Variants in WDR25 observed in about 807,000 individuals in gnomAD.
WDR25 encodes WD repeat-containing protein 25.
WDR25 carries 35 observed loss-of-function variants against 47.7 expected under a neutral mutation model. The ratio of observed to expected loss-of-function variants is 0.73; its 90% CI spans 0.56 to 0.97. WDR25 has a LOEUF of 0.97. Among genes scored for constraint, WDR25 ranks in the 50% least tolerant of loss-of-function variants. WDR25 has a pLI of 0.00. For missense variants in WDR25, 634 were observed against 704.7 expected (o/e 0.90, Z 1.14); for synonymous variants, 248 against 278.9 (o/e 0.89, Z 1.10).
At chr14:100,514,205 G>A (rs1901415612) in intron 4 of WDR25, among the ~76,000 whole-genome samples, 2 of 151,994 alleles carry the variant, frequency 1.3e-5, no homozygotes, top group Non-Finnish European at 2.9e-5. Flanking sequence ...CAAAGTGCTG[G>A]GATTACAAGC....
intron 4 of WDR25, among the ~76,000 whole-genome samples, chr14:100,511,895 G>A (rs1418627043): frequency 1.3e-5 from 2 of 152,026 alleles, no homozygotes; most frequent in South Asian, 2.1e-4. Flanking sequence ...TTAATATGGT[G>A]GATTTTGTCA....
At chr14:100,443,237 G>A (rs1241285236) in intron 2 of WDR25, among the ~76,000 whole-genome samples, 1 of 152,240 alleles carries the variant, frequency 6.6e-6, no homozygotes, top group Non-Finnish European at 1.5e-5. Context: ...CGTGGCAGCT[G>A]CATGATCTGC....
chr14:100,426,113 A>AT (rs1898161087), intron 2 of WDR25, among the ~76,000 whole-genome samples: 1 of 152,172 alleles, frequency 6.6e-6, no homozygotes, highest in African/African-American at 2.4e-5. Context: ...CTTGGAATTA[A>AT]TTTTTTCTGG....
chr14:100,508,801 A>T (rs1901203141), intron 4 of WDR25, among the ~76,000 whole-genome samples: 1 of 152,112 alleles, frequency 6.6e-6, no homozygotes, highest in Admixed American at 6.6e-5. Context: ...AGTTGTATGA[A>T]TTTTTTAAAA....
At chr14:100,420,587 T>C (rs1180374363) in intron 2 of WDR25, among the ~76,000 whole-genome samples, 2 of 152,226 alleles carry the variant, frequency 1.3e-5, no homozygotes, top group Non-Finnish European at 2.9e-5. Flanking sequence ...TTGCTAGGGT[T>C]GGAATTGCTA....
intron 2 of WDR25, among the ~76,000 whole-genome samples, chr14:100,456,951 C>A (rs1021863722): frequency 5.3e-5 from 8 of 152,038 alleles, no homozygotes; most frequent in Non-Finnish European, 1.0e-4. Flanking sequence ...AATGAAGTTT[C>A]TTTTCTTTTC....
chr14:100,460,850 A>G (rs1475342535), intron 2 of WDR25, among the ~76,000 whole-genome samples: 1 of 152,218 alleles, frequency 6.6e-6, no homozygotes, highest in Admixed American at 6.5e-5. Flanking sequence ...TGATAAGACA[A>G]GACAAGAAAA....
chr14:100,518,630 C>G (rs911216560), intron 4 of WDR25, among the ~76,000 whole-genome samples: 1 of 152,118 alleles, frequency 6.6e-6, no homozygotes. Flanking sequence ...GTGGCTCACA[C>G]CTGTAATCCT....
At chr14:100,495,380 A>C (rs1444799864) in intron 4 of WDR25, among the ~76,000 whole-genome samples, 2 of 152,240 alleles carry the variant, frequency 1.3e-5, no homozygotes, top group African/African-American at 4.8e-5. Flanking sequence ...AAACAAAAAA[A>C]CCAAAAAACC....
Position 100,464,101 on chromosome 14 carries a change from C to A in WDR25, c.823-3920C>A, listed in dbSNP as rs546055779. Among the ~76,000 whole-genome samples the A allele has an allele frequency of 3.3e-5, 5 of 152,314 alleles. No individual in the cohort carries two copies. The South Asian group carries it at 1.0e-3, about 32-fold the overall frequency. On this transcript the variant is annotated intron_variant, in intron 2 of 6. Transcript: ENST00000402312. The stretch of plus-strand genomic sequence containing the variant: ...GGATGCCCCAACGGCTTGTGGTTTT[C>A]CGACTTCATCCCTTTCTTACCACCT...
intron 4 of WDR25, among the ~76,000 whole-genome samples, chr14:100,490,114 G>A (rs1900513974): frequency 6.6e-6 from 1 of 152,216 alleles, no homozygotes; most frequent in Admixed American, 6.5e-5. Flanking sequence ...TGACAGGGGA[G>A]TGGGTGGCTC....
intron 2 of WDR25, among the ~76,000 whole-genome samples, chr14:100,434,291 C>T (rs2140236428): frequency 6.6e-6 from 1 of 152,312 alleles, no homozygotes; most frequent in East Asian, 1.9e-4. Context: ...CTGTGGGGTT[C>T]ATTCTGCCCT....
At chr14:100,390,606 C>T (rs923445530) in intron 2 of WDR25, among the ~76,000 whole-genome samples, 5 of 152,226 alleles carry the variant, frequency 3.3e-5, no homozygotes, top group African/African-American at 1.2e-4. Context: ...TCTTGGCCTG[C>T]TGCCAGCCTT....
At chr14:100,453,837 T>C (rs1322879216) in intron 2 of WDR25, among the ~76,000 whole-genome samples, 1 of 152,258 alleles carries the variant, frequency 6.6e-6, no homozygotes, top group Non-Finnish European at 1.5e-5. Flanking sequence ...AGAAAACTCT[T>C]CTTTGCCCTT....
chr14:100,525,864 T>C lies in WDR25; in HGVS notation c.1102-6T>C. The C allele has an allele frequency of 3.1e-6, 5 of 1,613,396 alleles. No homozygotes were observed. The South Asian group carries it at 5.5e-5, about 18-fold the overall frequency. On this transcript the variant is annotated splice_region_variant and splice_polypyrimidine_tract_variant and intron_variant, in intron 4 of 6. Coordinates refer to ENST00000402312, the MANE Select transcript of WDR25 (RefSeq NM_001161476.3). This position sits in a 1 kb window ranked among gnomAD's most constrained non-coding sequence, Gnocchi z 4.6. ...CTGCCAGCATGACCGGTGTCCGCTC[T>C]TGCAGGTGATGAGAAGCTACAAGGC...
At position 100,440,342 on chromosome 14, in the gene WDR25, G is replaced by A. The variant is rs1282633714; in HGVS notation, c.823-27679G>A. 6.6e-6 allele frequency among the ~76,000 whole-genome samples: 1 copy of A among 152,264 alleles called. No homozygotes were observed. The highest frequency in any genetic ancestry group is 2.4e-5 in the African/African-American group (1 of 41,478). ...AAATGCAGACAGGCAGCCACAGTCA[G>A]GGAGCCCTTCGGCCACGGCAGCGGG... On this transcript the variant is annotated intron_variant, in intron 2 of 6. Transcript: ENST00000402312. The surrounding 1 kb of genome is among the most constrained non-coding windows in gnomAD (Gnocchi z 4.4).
In WDR25 at chr14:100,523,891, G is replaced by A. The variant is rs1479680460; in HGVS notation, c.1102-1979G>A. ...CATGCCAGCTGTTGGTGTAATTAAGGTTGCCATAAAACCCACCAGCTAGAC... is the reference window on the plus strand; with the variant it reads ...CATGCCAGCTGTTGGTGTAATTAAGATTGCCATAAAACCCACCAGCTAGAC... On this transcript the variant is annotated intron_variant, in intron 4 of 6. Transcript: ENST00000402312. This position sits in a 1 kb window ranked among gnomAD's most constrained non-coding sequence, Gnocchi z 4.7. Among the ~76,000 whole-genome samples the A allele has an allele frequency of 6.6e-6, 1 of 152,066 alleles. No homozygotes were observed. Among genetic ancestry groups the A allele is most frequent in the Non-Finnish European group, 1.5e-5 (1 of 68,020 alleles).
At chr14:100,486,121 G>A (rs1900374242) in intron 4 of WDR25, among the ~76,000 whole-genome samples, 1 of 151,156 alleles carries the variant, frequency 6.6e-6, no homozygotes, top group African/African-American at 2.4e-5. Flanking sequence ...ACATTTGAAC[G>A]TGCCTTGTGA....
At chr14:100,524,501 C>T (rs747025369) in intron 4 of WDR25, among the ~76,000 whole-genome samples, 6 of 152,130 alleles carry the variant, frequency 3.9e-5, no homozygotes, top group Non-Finnish European at 8.8e-5. Flanking sequence ...GCAGCCGTGC[C>T]GTGAGGGGCA....
Sources: gnomAD v4.1 joint callset for allele counts (sites outside exome capture counted in the v4.1 genomes callset) on GRCh38, gnomAD v4.1.1 for gene constraint, Gnocchi (gnomAD v3.1) non-coding constraint, MANE v1.5 for transcripts, NCBI Gene and HGNC (gene_info 2026-07-23, HGNC 2026-07-21) for gene names.